The following TNNI3K variants were observed in gnomAD, a reference collection of about 807,000 sequenced individuals.
TNNI3K encodes the protein TNNI3 interacting kinase.
TNNI3K carries 140 observed loss-of-function variants against 114.5 expected under a neutral mutation model. That is an observed-to-expected ratio of 1.22 (90% CI 1.07 to 1.41). The LOEUF (loss-of-function observed/expected upper bound fraction) is 1.41, where lower values mean the gene tolerates loss of function less well. Ranked by LOEUF, TNNI3K falls within the 40% of genes most tolerant of loss-of-function variation. TNNI3K has a pLI of 0.00. For missense variants in TNNI3K, 1,125 were observed against 1,007.6 expected (o/e 1.12, Z -1.58); for synonymous variants, 347 against 347.5 (o/e 1.00, Z 0.02).
intron 7 of TNNI3K, among the ~76,000 whole-genome samples, chr1:74,342,389 A>G (rs1009942342): frequency 1.3e-5 from 2 of 152,174 alleles, no homozygotes; most frequent in Admixed American, 6.5e-5. Context: ...TGTTTACAAC[A>G]GTGTTGTAAA....
rs1480561035 is a variant in TNNI3K, at chr1:74,351,130, C to T, written c.933-2136C>T. 3.4e-4 allele frequency among the ~76,000 whole-genome samples: 52 copies of T among 151,870 alleles called. 1 individual carries two copies. The South Asian group carries it at 0.011, about 31-fold the overall frequency. On this transcript the variant is annotated intron_variant, in intron 9 of 24. Transcript: ENST00000326637. ...CAGTTGTTCCTTTCCATGTTTAGTGCTTCCTTCAGGAGCTCTTTTAGGGCA... is the reference window on the plus strand; with the variant it reads ...CAGTTGTTCCTTTCCATGTTTAGTGTTTCCTTCAGGAGCTCTTTTAGGGCA...
At chr1:74,329,798 G>A (rs866113984) in intron 5 of TNNI3K, among the ~76,000 whole-genome samples, 5 of 151,944 alleles carry the variant, frequency 3.3e-5, no homozygotes, top group Admixed American at 6.6e-5. Context: ...AAAATGTAAG[G>A]GTTTGATATG....
intron 21 of TNNI3K, among the ~76,000 whole-genome samples, chr1:74,488,675 A>G (rs1011031169): frequency 7.2e-5 from 11 of 152,206 alleles, no homozygotes; most frequent in Admixed American, 6.6e-4. Context: ...TTTTAATGGC[A>G]CTGTCTGAAG....
chr1:74,336,856 G>A (rs1345287601), intron 7 of TNNI3K, among the ~76,000 whole-genome samples: 5 of 152,086 alleles, frequency 3.3e-5, no homozygotes, highest in African/African-American at 1.2e-4. Context: ...AGTCCTTTGG[G>A]TATATACCCA....
At position 74,369,129 on chromosome 1, in the gene TNNI3K, A is replaced by G. The variant is rs1461932774; in HGVS notation, c.1414+15A>G. 3.8e-6 allele frequency: 6 copies of G among 1,599,332 alleles called. No individual in the cohort carries two copies. Among genetic ancestry groups the G allele is most frequent in the Non-Finnish European group, 5.1e-6 (6 of 1,174,664 alleles). ...TATTGGCTCAGGTAACCTAAAATAAATAAATAAATAAAGGTCCGGTTTAGT... is the reference window on the plus strand; with the variant it reads ...TATTGGCTCAGGTAACCTAAAATAAGTAAATAAATAAAGGTCCGGTTTAGT... On this transcript the variant is annotated intron_variant, in intron 14 of 24. Transcript: ENST00000326637.
At chr1:74,499,245 A>G (rs1270293095) in intron 23 of TNNI3K, among the ~76,000 whole-genome samples, 1 of 152,172 alleles carries the variant, frequency 6.6e-6, no homozygotes, top group Non-Finnish European at 1.5e-5. Flanking sequence ...TGGCTCAAGC[A>G]ATCCTCCTGC....
chr1:74,423,807 A>G (rs1285146738), intron 17 of TNNI3K, among the ~76,000 whole-genome samples: 2 of 152,150 alleles, frequency 1.3e-5, no homozygotes, highest in African/African-American at 4.8e-5. Context: ...CATATGTAAA[A>G]TTGCATAATA....
rs554359039 is a variant in TNNI3K at position 74,517,110 on chromosome 1, G to A, written c.2352-23124G>A. 7.9e-5 allele frequency among the ~76,000 whole-genome samples: 12 copies of A among 152,174 alleles called. No homozygotes were observed. The East Asian group carries it at 2.3e-3, about 29-fold the overall frequency. On this transcript the variant is annotated intron_variant, in intron 23 of 24. Coordinates refer to ENST00000326637, the MANE Select transcript of TNNI3K (RefSeq NM_015978.3). ...CCCCACCCCTATTTTGGTAGATGCTGTTCATTATTATGTATTACACAAATC... is the reference window on the plus strand; with the variant it reads ...CCCCACCCCTATTTTGGTAGATGCTATTCATTATTATGTATTACACAAATC...
intron 17 of TNNI3K, chr1:74,373,422 A>G (rs946770799): frequency 1.3e-5 from 2 of 151,944 alleles, no homozygotes; most frequent in Non-Finnish European, 2.9e-5. Flanking sequence ...GATGCACATC[A>G]GAGACTGGGA....
At position 74,538,591 on chromosome 1, in the gene TNNI3K, T is replaced by A. The variant is rs138691902; in HGVS notation, c.2352-1643T>A. ...TCTGAAAGAAGGAAATAAGGCGATGTGATGTGATAGAGAGTGGCCATGGGC... is the reference window on the plus strand; with the variant it reads ...TCTGAAAGAAGGAAATAAGGCGATGAGATGTGATAGAGAGTGGCCATGGGC... On this transcript the variant is annotated intron_variant, in intron 23 of 24. Coordinates refer to ENST00000326637, the MANE Select transcript of TNNI3K (RefSeq NM_015978.3). Among the ~76,000 whole-genome samples the A allele has an allele frequency of 6.6e-5, 10 of 152,146 alleles. No individual in the cohort carries two copies. In the East Asian group the frequency reaches 7.7e-4, roughly 12 times the overall value.
At chr1:74,261,206 T>C (rs1258354710) in intron 4 of TNNI3K, among the ~76,000 whole-genome samples, 1 of 151,984 alleles carries the variant, frequency 6.6e-6, no homozygotes, top group Non-Finnish European at 1.5e-5. Flanking sequence ...AAATTTGATA[T>C]TAAAATTTAT....
At chr1:74,351,511 C>T (rs905097485) in intron 9 of TNNI3K, among the ~76,000 whole-genome samples, 4 of 152,094 alleles carry the variant, frequency 2.6e-5, no homozygotes, top group Non-Finnish European at 4.4e-5. Context: ...TGAATGTTGG[C>T]CTGCCTTGCT....
At chr1:74,395,901 G>A (rs554545766) in intron 17 of TNNI3K, among the ~76,000 whole-genome samples, 1 of 152,314 alleles carries the variant, frequency 6.6e-6, no homozygotes, top group African/African-American at 2.4e-5. Context: ...GGCCCAAAGA[G>A]CCCATTCATC....
chr1:74,540,216 G>A lies in TNNI3K; in HGVS notation c.2352-18G>A, dbSNP rs1470970658. ...TCAGATCACCATACTGTGAAACTGT[G>A]TTTTATTAATTTTCCAGTGCTGGAC... On this transcript the variant is annotated intron_variant, in intron 23 of 24. Coordinates refer to ENST00000326637, the MANE Select transcript of TNNI3K (RefSeq NM_015978.3). 3 of 1,608,504 alleles carry A rather than the reference G, an allele frequency of 1.9e-6. No individual in the cohort carries two copies. In the African/African-American group the frequency reaches 4.0e-5, roughly 22 times the overall value.
At chr1:74,464,980 C>A (rs1368519324) in intron 21 of TNNI3K, 1 of 1,208,512 alleles carries the variant, frequency 8.3e-7, no homozygotes, top group East Asian at 3.6e-5. Flanking sequence ...CAGAAAATTT[C>A]ATCTTGAAAA....
chr1:74,343,247 G>T (rs1396079616), intron 9 of TNNI3K, 68 bp downstream of exon 9: 3 of 1,501,588 alleles, frequency 2.0e-6, no homozygotes, highest in Admixed American at 4.4e-5. Context: ...GAAGTTGTGG[G>T]TATAAAGCAA....
chr1:74,289,280 AT>A (rs1657521916), intron 5 of TNNI3K, among the ~76,000 whole-genome samples: 1 of 150,654 alleles, frequency 6.6e-6, no homozygotes, highest in African/African-American at 2.5e-5. Flanking sequence ...TAATTAAAAA[AT>A]GATGATCACA....
chr1:74,350,565 G>T (rs995185046), intron 9 of TNNI3K, among the ~76,000 whole-genome samples: 4 of 152,142 alleles, frequency 2.6e-5, no homozygotes, highest in South Asian at 2.1e-4. Flanking sequence ...GTTGAGTGGG[G>T]TGTTAAAGTC....
At position 74,412,891 on chromosome 1, in the gene TNNI3K, G is replaced by A. The variant is rs185160046; in HGVS notation, c.1773-23189G>A. 9.9e-5 allele frequency among the ~76,000 whole-genome samples: 15 copies of A among 152,280 alleles called. No homozygotes were observed. The East Asian group carries it at 2.5e-3, about 26-fold the overall frequency. ...GGCCTCCCAAAGTGCTGAAATTGCAGGCATGAGCCACCATGCCCAGCCCAT... is the reference window on the plus strand; with the variant it reads ...GGCCTCCCAAAGTGCTGAAATTGCAAGCATGAGCCACCATGCCCAGCCCAT... On this transcript the variant is annotated intron_variant, in intron 17 of 24. Transcript: ENST00000326637.
Sources: allele counts gnomAD v4.1 joint callset (sites outside exome capture counted in the v4.1 genomes callset), GRCh38; gene constraint gnomAD v4.1.1; transcripts MANE v1.5; gene names NCBI Gene and HGNC (gene_info 2026-07-23, HGNC 2026-07-21).